Variants in RHOBTB1 observed in about 807,000 individuals in gnomAD.
RHOBTB1 encodes the protein Rho related BTB domain containing 1.
A neutral mutation model predicts 71.6 loss-of-function variants in RHOBTB1; 40 were observed. The ratio of observed to expected loss-of-function variants is 0.56; its 90% CI spans 0.43 to 0.73. The LOEUF is 0.73. RHOBTB1 is among the 30% of genes least tolerant of loss of function. The pLI, the probability that RHOBTB1 is intolerant of heterozygous loss-of-function variation, is 0.00. For synonymous variants in RHOBTB1, 319 were observed against 334.9 expected (o/e 0.95, Z 0.52); for missense variants, 797 against 894.0 (o/e 0.89, Z 1.38).
rs771864912 is a variant in RHOBTB1, at chr10:60,878,028, T to C, written c.1606A>G (p.Met536Val). The stretch of plus-strand genomic sequence containing the variant: ...TAGAGATAATCCAATACTGCTTGCA[T>C]TGATATCTTGTTTATGTTCGGGAGA... ...VYLPNINKIS[M>V]QAVLDYLYTK... The change falls in exon 8 of 11, where the codon ATG becomes GTG. Residue 536 changes from methionine (M) to valine (V), a missense_variant. This residue lies in a region of RHOBTB1 where 658 missense variants were observed against 681.5 expected (regional missense o/e 0.97). Coordinates refer to ENST00000337910, the MANE Select transcript of RHOBTB1 (RefSeq NM_014836.5). The C allele has an allele frequency of 1.1e-5, 17 of 1,612,580 alleles. No homozygotes were observed. In the Admixed American group the frequency reaches 2.5e-4, roughly 24 times the overall value.
intron 2 of RHOBTB1, among the ~76,000 whole-genome samples, chr10:60,972,982 G>A (rs1447915767): frequency 6.6e-6 from 1 of 151,964 alleles, no homozygotes; most frequent in Non-Finnish European, 1.5e-5. Flanking sequence ...AAAAAATGGG[G>A]TTCATGAATC....
At chr10:60,965,921 A>G (rs2085941905) in intron 2 of RHOBTB1, among the ~76,000 whole-genome samples, 1 of 152,198 alleles carries the variant, frequency 6.6e-6, no homozygotes, top group Non-Finnish European at 1.5e-5. Flanking sequence ...ATTTAAAAAA[A>G]AAATCAAATT....
At chr10:61,001,537 C>T (rs1026949650), upstream of RHOBTB1, 1 of 151,732 alleles carries the variant, frequency 6.6e-6, no homozygotes, top group African/African-American at 2.4e-5. Context: ...TCGGCCGCCT[C>T]CCCCGCCTGC....
intron 2 of RHOBTB1, among the ~76,000 whole-genome samples, chr10:60,978,174 C>T (rs929416324): frequency 6.6e-6 from 1 of 152,154 alleles, no homozygotes; most frequent in African/African-American, 2.4e-5. Flanking sequence ...TTGAAGCATA[C>T]ACAAAACTGA....
At chr10:60,946,412 C>T (rs192526596), upstream of RHOBTB1, among the ~76,000 whole-genome samples, 649 of 152,260 alleles carry the variant, frequency 4.3e-3, 1 homozygote, top group Non-Finnish European at 7.1e-3. Flanking sequence ...ACATGTATCA[C>T]GGCCCTCATA....
At chr10:60,888,124 TC>T in intron 6 of RHOBTB1, 87 bp downstream of exon 6, 1 of 1,409,768 alleles carries the variant, frequency 7.1e-7, no homozygotes, top group Non-Finnish European at 9.6e-7. Context: ...ATGTTAGCTA[TC>T]GTTCTTCTTT....
chr10:60,895,357 C>T (rs375897944), intron 4 of RHOBTB1, among the ~76,000 whole-genome samples: 4 of 152,214 alleles, frequency 2.6e-5, no homozygotes, highest in African/African-American at 9.6e-5. Context: ...CTATGAGAAT[C>T]TGTGCTCATT....
At chr10:60,966,862 A>G (rs1045032304) in intron 2 of RHOBTB1, among the ~76,000 whole-genome samples, 2 of 133,392 alleles carry the variant, frequency 1.5e-5, no homozygotes, top group Non-Finnish European at 3.2e-5. Flanking sequence ...AACAGGCCCC[A>G]GTGTGTGATG....
At position 60,888,351 on chromosome 10, in the gene RHOBTB1, G is replaced by A. The variant is rs1326042968; in HGVS notation, c.1317C>T (p.Val439=). 26 of 1,614,076 alleles carry A rather than the reference G, an allele frequency of 1.6e-5. No individual in the cohort carries two copies. Among genetic ancestry groups the A allele is most frequent in the Non-Finnish European group, 2.1e-5 (25 of 1,180,020 alleles). ...TCATCCTCAAATCGAACATCTCGAGGACCTCTGCGATCTGAGCCAGGCCCA... is the reference window on the plus strand; with the variant it reads ...TCATCCTCAAATCGAACATCTCGAGAACCTCTGCGATCTGAGCCAGGCCCA... ...DLVGLAQIAE[V]LEMFDLRMMV... is the part of the protein sequence containing the mutation. Residue 439 remains valine, a synonymous_variant, in exon 6 of 11, where the codon GTC becomes GTT. Transcript: ENST00000337910.
At chr10:60,945,802 G>T (rs1463794190), upstream of RHOBTB1, among the ~76,000 whole-genome samples, 1 of 152,206 alleles carries the variant, frequency 6.6e-6, no homozygotes, top group African/African-American at 2.4e-5. Context: ...TTTGATATCA[G>T]AAAGAGAGGG....
At chr10:60,975,115 T>C (rs7904845) in intron 2 of RHOBTB1, among the ~76,000 whole-genome samples, 37 of 152,114 alleles carry the variant, frequency 2.4e-4, no homozygotes, top group Non-Finnish European at 4.4e-4. Context: ...ATGAACTATA[T>C]TGACTGATTG....
intron 4 of RHOBTB1, among the ~76,000 whole-genome samples, chr10:60,910,054 G>A (rs746690836): frequency 2.6e-5 from 4 of 152,042 alleles, no homozygotes; most frequent in Non-Finnish European, 5.9e-5. Context: ...ATCCTGTAAG[G>A]TGATATGATG....
intron 2 of RHOBTB1, among the ~76,000 whole-genome samples, chr10:60,932,610 G>T (rs2084326737): frequency 6.6e-6 from 1 of 151,806 alleles, no homozygotes; most frequent in Non-Finnish European, 1.5e-5. Context: ...CTAAGGGCTG[G>T]ATCGGGAAGC....
At chr10:60,929,145 T>G (rs1299891934) in intron 2 of RHOBTB1, among the ~76,000 whole-genome samples, 1 of 152,130 alleles carries the variant, frequency 6.6e-6, no homozygotes, top group Non-Finnish European at 1.5e-5. Context: ...GGCCCCTCCT[T>G]CAACATGTGG....
chr10:60,885,895 A>G (rs2081544372), intron 7 of RHOBTB1, among the ~76,000 whole-genome samples: 1 of 152,170 alleles, frequency 6.6e-6, no homozygotes, highest in Admixed American at 6.5e-5. Flanking sequence ...CCAATAAACA[A>G]TAGCTCCTCA....
At chr10:60,897,062 A>C (rs1173240211) in intron 4 of RHOBTB1, among the ~76,000 whole-genome samples, 2 of 152,204 alleles carry the variant, frequency 1.3e-5, no homozygotes, top group Non-Finnish European at 2.9e-5. Flanking sequence ...TAACATAAGG[A>C]GTACATGCAA....
chr10:60,980,232 A>T (rs2086451753), intron 2 of RHOBTB1, among the ~76,000 whole-genome samples: 1 of 152,244 alleles, frequency 6.6e-6, no homozygotes, highest in African/African-American at 2.4e-5. Flanking sequence ...GATAGTTTAA[A>T]ATTAAATGCA....
intron 6 of RHOBTB1, among the ~76,000 whole-genome samples, chr10:60,886,568 T>G (rs924041366): frequency 2.0e-5 from 3 of 152,232 alleles, no homozygotes; most frequent in Non-Finnish European, 4.4e-5. Flanking sequence ...TCATTTATCC[T>G]TGTTAACATT....
rs75033476 is a variant in RHOBTB1, at chr10:60,878,442, T to C, written c.1576-384A>G. Among the ~76,000 whole-genome samples, 1,040 of 152,250 alleles carry C rather than the reference T, an allele frequency of 6.8e-3. 13 individuals are homozygous for C. The highest frequency in any genetic ancestry group is 0.023 in the African/African-American group (965 of 41,542). Reference sequence around the variant, plus strand: ...TGTTGGGCGGAGCTGCAAACCACACTGTTGCTGACATGATGGAGCCTAGTT... The same window carrying C: ...TGTTGGGCGGAGCTGCAAACCACACCGTTGCTGACATGATGGAGCCTAGTT... On this transcript the variant is annotated intron_variant, in intron 7 of 10. Transcript: ENST00000337910.
Sources: allele counts gnomAD v4.1 joint callset (sites outside exome capture counted in the v4.1 genomes callset), GRCh38; gene constraint gnomAD v4.1.1; regional missense constraint gnomAD v4.1.1; transcripts MANE v1.5; gene names NCBI Gene and HGNC (gene_info 2026-07-23, HGNC 2026-07-21).